The following INPP5D variants were observed in gnomAD, a reference collection of about 807,000 sequenced individuals.
The protein encoded by INPP5D is inositol polyphosphate-5-phosphatase D.
INPP5D carries 33 observed loss-of-function variants against 122.9 expected under a neutral mutation model. The ratio of observed to expected loss-of-function variants is 0.27; its 90% CI spans 0.20 to 0.36. The LOEUF (loss-of-function observed/expected upper bound fraction) is 0.36, where lower values mean the gene tolerates loss of function less well. INPP5D is among the 10% of genes least tolerant of loss of function. The probability of loss-of-function intolerance (pLI) is 1.00; values close to 1 mark genes in which losing one functional copy is unlikely to be tolerated. For synonymous variants in INPP5D, 584 were observed against 576.2 expected, an observed-to-expected ratio of 1.01 and a Z score of -0.19; for missense variants, 1,053 against 1,412.7, an observed-to-expected ratio of 0.75 and a Z score of 4.08.
intron 13 of INPP5D, among the ~76,000 whole-genome samples, chr2:233,167,561 G>A (rs143611855): frequency 3.9e-5 from 6 of 152,248 alleles, no homozygotes; most frequent in East Asian, 1.9e-4. Context: ...CCCAGGTTGC[G>A]GGCAGAGGGG....
intron 2 of INPP5D, among the ~76,000 whole-genome samples, chr2:233,102,395 C>T (rs1263376055): frequency 1.3e-5 from 2 of 152,176 alleles, no homozygotes; most frequent in African/African-American, 4.8e-5. Context: ...TGTCCCACAC[C>T]TCGCCTGCTT....
At chr2:233,167,876 G>T (rs1412734807) in intron 13 of INPP5D, among the ~76,000 whole-genome samples, 1 of 151,712 alleles carries the variant, frequency 6.6e-6, no homozygotes, top group Non-Finnish European at 1.5e-5. Flanking sequence ...GTGGTGGTGG[G>T]TGCCTGTAGT....
intron 5 of INPP5D, among the ~76,000 whole-genome samples, chr2:233,133,030 C>A (rs1416821598): frequency 6.6e-6 from 1 of 151,904 alleles, no homozygotes; most frequent in Non-Finnish European, 1.5e-5. Flanking sequence ...TGAGTCCCCC[C>A]ACTCACTTGC....
At chr2:233,060,934 G>T (rs1234297654) in intron 1 of INPP5D, among the ~76,000 whole-genome samples, 2 of 152,174 alleles carry the variant, frequency 1.3e-5, no homozygotes, top group Non-Finnish European at 2.9e-5. Context: ...AGGAAGCTCA[G>T]GGCTCTGTGG....
intron 3 of INPP5D, among the ~76,000 whole-genome samples, chr2:233,124,480 C>A (rs1275282960): frequency 6.6e-6 from 1 of 152,240 alleles, no homozygotes; most frequent in Admixed American, 6.5e-5. Context: ...GGCCCTGTCC[C>A]TTTTGGCCTC....
In INPP5D at chr2:233,063,996, A is replaced by G. The variant is rs763100969; in HGVS notation, c.134+3384A>G. Among the ~76,000 whole-genome samples the G allele has an allele frequency of 1.3e-4, 20 of 152,382 alleles. No individual in the cohort carries two copies. The South Asian group carries it at 1.4e-3, about 11-fold the overall frequency. On this transcript the variant is annotated intron_variant, in intron 1 of 26. Coordinates refer to ENST00000445964, the MANE Select transcript of INPP5D (RefSeq NM_001017915.3). ...CACACCTGGCAGGGCCTTATGCTGC[A>G]AAGAAGAGATGCCTTGGGAATGGGG...
intron 17 of INPP5D, among the ~76,000 whole-genome samples, chr2:233,176,213 C>T (rs1333712384): frequency 1.3e-5 from 2 of 152,038 alleles, no homozygotes; most frequent in Admixed American, 6.6e-5. Flanking sequence ...CAGCCTGAGG[C>T]CCTGGAGAGG....
At chr2:233,184,338 G>A in intron 19 of INPP5D, 70 bp from the exon 20 acceptor site, 1 of 1,565,188 alleles carries the variant, frequency 6.4e-7, no homozygotes, top group East Asian at 2.3e-5. Flanking sequence ...TATGTGGCAT[G>A]AGAACTAATT....
intron 2 of INPP5D, among the ~76,000 whole-genome samples, chr2:233,096,142 A>G (rs912235385): frequency 6.6e-6 from 1 of 152,280 alleles, no homozygotes; most frequent in South Asian, 2.1e-4. Context: ...TCCAAGAAAA[A>G]CTATTACTGG....
chr2:233,106,743 G>A lies in INPP5D; in HGVS notation c.199-15364G>A, dbSNP rs534157778. ...TTTCTAGCTGTCAGCTGTGACTCTA[G>A]TGATCAAGGACGCATCCTGTCCTGG... On this transcript the variant is annotated intron_variant, in intron 2 of 26. Coordinates refer to ENST00000445964, the MANE Select transcript of INPP5D (RefSeq NM_001017915.3). Among the ~76,000 whole-genome samples the A allele has an allele frequency of 4.8e-4, 73 of 152,312 alleles. No individual in the cohort carries two copies. The South Asian group carries it at 0.014, about 30-fold the overall frequency.
At chr2:233,134,159 G>A in intron 5 of INPP5D, 1 of 391,520 alleles carries the variant, frequency 2.6e-6, no homozygotes, top group Non-Finnish European at 5.2e-6. Context: ...CAAGGAGGAG[G>A]AGGAAGGAGA....
rs182499072 is a variant in INPP5D, at chr2:233,153,682, C to G, written c.1031-4631C>G. Among the ~76,000 whole-genome samples the G allele has an allele frequency of 3.3e-5, 5 of 152,284 alleles. No individual in the cohort carries two copies. The East Asian group carries it at 7.7e-4, about 24-fold the overall frequency. On this transcript the variant is annotated intron_variant, in intron 9 of 26. Transcript: ENST00000445964. The stretch of plus-strand genomic sequence containing the variant: ...AAGTCTATTTAAAGACAGTTCAGCC[C>G]AACAGATCACACTCCACTCCATGTA...
Position 233,170,558 on chromosome 2 carries a change from C to G in INPP5D, c.1854C>G (p.Asp618Glu). ...QQQYADLLSH[D>E]QLLTERREQK... ...AGTACGCAGACCTCCTGTCCCACGA[C>G]CAGCTGCTCACAGAGAGGAGGGAGC... Residue 618 changes from aspartate (D) to glutamate (E), a missense_variant, in exon 16 of 27, where the codon GAC (aspartate) becomes GAG (glutamate). Transcript: ENST00000445964. The surrounding 1 kb of genome is among the most constrained non-coding windows in gnomAD (Gnocchi z 4.5). 3 of 1,613,768 alleles carry G rather than the reference C, an allele frequency of 1.9e-6. No homozygotes were observed. Among genetic ancestry groups the G allele is most frequent in the Non-Finnish European group, 2.5e-6 (3 of 1,179,804 alleles).
Position 233,169,420 on chromosome 2 carries a change from C to G in INPP5D, c.1652+19C>G, listed in dbSNP as rs1462283982. ...AACTCAGGTAATGGAACTCCTTCCC[C>G]CCAAGAGTGTGCATTTGGGCTGTCT... On this transcript the variant is annotated intron_variant, in intron 14 of 26. Coordinates refer to ENST00000445964, the MANE Select transcript of INPP5D (RefSeq NM_001017915.3). The G allele has an allele frequency of 6.4e-7, 1 of 1,572,326 alleles. No individual in the cohort carries two copies. The highest frequency in any genetic ancestry group is 1.9e-5 in the Admixed American group (1 of 53,432).
Position 233,060,377 on chromosome 2 carries a change from G to C in INPP5D, c.-102G>C, listed in dbSNP as rs940330131. On this transcript the variant is annotated 5_prime_UTR_variant, in exon 1 of 27. Coordinates refer to ENST00000445964, the MANE Select transcript of INPP5D (RefSeq NM_001017915.3). ...GTGGCAGCAGCCGAGGCCACCAAGA[G>C]GCAACGGGCGGCAGGTTGCAGTGGA... The C allele has an allele frequency of 8.1e-6, 11 of 1,364,978 alleles. No individual in the cohort carries two copies. In the East Asian group the frequency reaches 2.8e-4, roughly 35 times the overall value. 84.6% of individuals were successfully genotyped at this position (1,364,978 alleles called of 1,614,324 possible). A position where few individuals can be genotyped will look rare whatever the true frequency, so the allele number is the denominator to read the frequency against.
intron 25 of INPP5D, among the ~76,000 whole-genome samples, chr2:233,198,946 G>A (rs1317683902): frequency 3.2e-5 from 4 of 124,390 alleles, no homozygotes; most frequent in Admixed American, 1.7e-4. Context: ...CTGAAACTCC[G>A]TCTCAAAAAA....
chr2:233,079,439 G>T, intron 2 of INPP5D, 41 bp downstream of exon 2: 1 of 1,212,854 alleles, frequency 8.2e-7, no homozygotes. Flanking sequence ...CCTGACTTCA[G>T]CCGATACTGG....
Position 233,189,822 on chromosome 2 carries a change from C to A in INPP5D, c.2359-28C>A. 4 of 1,610,460 alleles carry A rather than the reference C, an allele frequency of 2.5e-6. No individual in the cohort carries two copies. The highest frequency in any genetic ancestry group is 3.4e-6 in the Non-Finnish European group (4 of 1,178,300). On this transcript the variant is annotated intron_variant, in intron 21 of 26. Coordinates refer to ENST00000445964, the MANE Select transcript of INPP5D (RefSeq NM_001017915.3). This position sits in a 1 kb window ranked among gnomAD's most constrained non-coding sequence, Gnocchi z 5.6. Reference sequence around the variant, plus strand: ...CCCTCACCTGTCCCTTGCCCATCAACTCCAGTCCTGTGCCCTTCTCTCTGC... The same window carrying A: ...CCCTCACCTGTCCCTTGCCCATCAAATCCAGTCCTGTGCCCTTCTCTCTGC...
intron 25 of INPP5D, among the ~76,000 whole-genome samples, chr2:233,201,839 A>C (rs1048603016): frequency 2.0e-5 from 3 of 152,258 alleles, no homozygotes; most frequent in Non-Finnish European, 4.4e-5. Context: ...AAGTACAGTC[A>C]TTTGCTGCAG....
Sources: gnomAD v4.1 joint callset for allele counts (sites outside exome capture counted in the v4.1 genomes callset) on GRCh38, gnomAD v4.1.1 for gene constraint, Gnocchi (gnomAD v3.1) non-coding constraint, MANE v1.5 for transcripts, NCBI Gene and HGNC (gene_info 2026-07-23, HGNC 2026-07-21) for gene names.